The following ACSM2A variants were observed in gnomAD, a reference collection of about 807,000 sequenced individuals.
ACSM2A encodes acyl-coenzyme A synthetase ACSM2A, mitochondrial.
In ACSM2A, 72 loss-of-function variants were observed where a neutral mutation model predicts 76.6. The ratio of observed to expected loss-of-function variants is 0.94; its 90% CI spans 0.78 to 1.14. The LOEUF (loss-of-function observed/expected upper bound fraction) is 1.14. Ranked by LOEUF, ACSM2A falls within the 50% of genes most tolerant of loss-of-function variation. The pLI is 0.00. For missense variants in ACSM2A, 684 were observed against 708.5 expected, an observed-to-expected ratio of 0.97 and a Z score of 0.39; for synonymous variants, 249 against 255.9, an observed-to-expected ratio of 0.97 and a Z score of 0.26.
intron 3 of ACSM2A, among the ~76,000 whole-genome samples, chr16:20,466,634 G>A (rs2013015889): frequency 6.6e-6 from 1 of 152,242 alleles, no homozygotes; most frequent in Non-Finnish European, 1.5e-5. Context: ...TTTGGCTGGG[G>A]ATGAAAACAT....
rs761192127 is a variant in ACSM2A at position 20,486,674 on chromosome 16, A to G, written c.1730A>G (p.Gln577Arg). Residue 577 changes from glutamine (Q) to arginine (R), a missense_variant, in exon 14 of 14, where the codon CAG becomes CGG. Physicochemically the swap from Gln to Arg is conservative, Grantham distance 43. Coordinates refer to ENST00000573854, the MANE Select transcript of ACSM2A (RefSeq NM_001308172.2). ...EWKMSGKARA[Q>R] is the part of the protein sequence containing the mutation. ...AAGATGTCCGGAAAAGCCCGTGCGCAGTGAGACATCTAAGAGACATTCATT... is the reference window on the plus strand; with the variant it reads ...AAGATGTCCGGAAAAGCCCGTGCGCGGTGAGACATCTAAGAGACATTCATT... 1 of 1,614,058 alleles carries G rather than the reference A, an allele frequency of 6.2e-7. No individual in the cohort carries two copies. Among genetic ancestry groups the G allele is most frequent in the African/African-American group, 1.3e-5 (1 of 74,932 alleles).
intron 1 of ACSM2A, among the ~76,000 whole-genome samples, chr16:20,459,229 G>A (rs373436075): frequency 7.2e-5 from 11 of 151,928 alleles, no homozygotes; most frequent in Admixed American, 2.6e-4. Context: ...ATACTCCTCG[G>A]GTGATGGGTG....
chr16:20,458,800 A>G (rs2012374986), intron 1 of ACSM2A, among the ~76,000 whole-genome samples: 1 of 142,670 alleles, frequency 7.0e-6, no homozygotes, highest in Non-Finnish European at 1.5e-5. Context: ...TTACATATAT[A>G]TAATATATAT....
rs367679226 is a variant in ACSM2A, at chr16:20,471,234, T to C, written c.740+18T>C. 3 of 1,606,160 alleles carry C rather than the reference T, an allele frequency of 1.9e-6. No homozygotes were observed. The highest frequency in any genetic ancestry group is 2.6e-6 in the Non-Finnish European group (3 of 1,175,628). On this transcript the variant is annotated intron_variant, in intron 5 of 13. Transcript: ENST00000573854. ...GATGCTGGGTAAGCTGAGCTCTTTCTCTCTACAGAGAATTACATGAGTTTT... is the reference window on the plus strand; with the variant it reads ...GATGCTGGGTAAGCTGAGCTCTTTCCCTCTACAGAGAATTACATGAGTTTT...
chr16:20,477,656 C>T (rs1219146374), intron 9 of ACSM2A, among the ~76,000 whole-genome samples: 1 of 152,050 alleles, frequency 6.6e-6, no homozygotes, highest in Non-Finnish European at 1.5e-5. Flanking sequence ...TCTTACCATC[C>T]AGAAGGACCC....
intron 6 of ACSM2A, 48 bp downstream of exon 6, chr16:20,471,737 T>C (rs1301446157): frequency 1.3e-6 from 2 of 1,574,306 alleles, no homozygotes; most frequent in Non-Finnish European, 1.7e-6. Flanking sequence ...GAGCCCGAGG[T>C]TTGCACACTT....
At chr16:20,480,748 G>C in intron 11 of ACSM2A, 48 bp downstream of exon 11, 4 of 1,611,490 alleles carry the variant, frequency 2.5e-6, no homozygotes, top group Non-Finnish European at 3.4e-6. Context: ...TCTTTACTCT[G>C]GCTGGTTCCA....
At chr16:20,461,898 T>G (rs1596646366) in intron 2 of ACSM2A, among the ~76,000 whole-genome samples, 1 of 151,698 alleles carries the variant, frequency 6.6e-6, no homozygotes, top group Non-Finnish European at 1.5e-5. Flanking sequence ...GAGACTAGGG[T>G]TTTCAAAGAT....
rs183605836 is a variant in ACSM2A, at chr16:20,487,591, T to G, written c.*913T>G. On this transcript the variant is annotated 3_prime_UTR_variant, in exon 14 of 14. Coordinates refer to ENST00000573854, the MANE Select transcript of ACSM2A (RefSeq NM_001308172.2). ...GAGAACAACGTAAGCACTGCCAAAG[T>G]TATCAGCTACCCATATCTCATGTTT... The G allele has an allele frequency of 1.3e-5, 2 of 152,336 alleles. No individual in the cohort carries two copies. The highest frequency in any genetic ancestry group is 3.9e-4 in the East Asian group (2 of 5,190). The allele number at this position is 152,336 out of a possible 1,614,324, so 9.4% of individuals were successfully genotyped here. A position where few individuals can be genotyped will look rare whatever the true frequency, so the allele number is the denominator to read the frequency against.
intron 1 of ACSM2A, chr16:20,453,312 A>G (rs908764321): frequency 1.3e-5 from 2 of 151,762 alleles, no homozygotes; most frequent in Non-Finnish European, 2.9e-5. Flanking sequence ...TGAAGATTTC[A>G]TGGATATTTA....
At chr16:20,457,963 CAA>C (rs2012296109) in intron 1 of ACSM2A, among the ~76,000 whole-genome samples, 2 of 151,930 alleles carry the variant, frequency 1.3e-5, no homozygotes, top group Admixed American at 6.6e-5. Context: ...ATGAATTCAG[CAA>C]AGTTTCAGGA....
intron 13 of ACSM2A, among the ~76,000 whole-genome samples, chr16:20,485,520 T>G (rs1054878567): frequency 6.6e-6 from 1 of 152,206 alleles, no homozygotes; most frequent in Non-Finnish European, 1.5e-5. Context: ...GGCTATGTGG[T>G]CTTTGTTGCA....
intron 3 of ACSM2A, among the ~76,000 whole-genome samples, chr16:20,466,454 C>A (rs2141710923): frequency 6.6e-6 from 1 of 152,178 alleles, no homozygotes. Flanking sequence ...AAAAGCCAAA[C>A]ACTGAAAACA....
In ACSM2A at chr16:20,471,584, A is replaced by C. The variant is rs562103811; in HGVS notation, c.789A>C (p.Thr263=). 6.2e-7 allele frequency: 1 copy of C among 1,614,036 alleles called. No homozygotes were observed. The highest frequency in any genetic ancestry group is 1.3e-5 in the African/African-American group (1 of 75,046). The part of the protein sequence containing the change: ...ASDIMWTISD[T]GWILNILCSL... ...ATATAATGTGGACCATATCAGACAC[A>C]GGTTGGATACTGAACATCTTGTGCT... The change falls in exon 6 of 14, where the codon ACA becomes ACC. Residue 263 remains threonine, a synonymous_variant. Transcript: ENST00000573854.
intron 1 of ACSM2A, chr16:20,451,990 CTTA>C (rs1274326414): frequency 2.7e-5 from 4 of 150,928 alleles, no homozygotes; most frequent in African/African-American, 4.9e-5. Context: ...TGAAGAAGAG[CTTA>C]TTATGGAAAA....
chr16:20,482,785 A>G, intron 12 of ACSM2A: 1 of 277,130 alleles, frequency 3.6e-6, no homozygotes, highest in Non-Finnish European at 6.8e-6. Context: ...CTCCCCCTGT[A>G]TCTTCTTTCT....
At chr16:20,457,921 A>G (rs1414281394) in intron 1 of ACSM2A, among the ~76,000 whole-genome samples, 2 of 152,062 alleles carry the variant, frequency 1.3e-5, no homozygotes, top group Non-Finnish European at 2.9e-5. Context: ...AAGACCTTAA[A>G]GACTCCTCCA....
rs760174077 is a variant in ACSM2A, at chr16:20,465,501, G to A, written c.178-16G>A. ...GTACCAATGCCCCCTGATCAACAGG[G>A]CTTCTCTTTCCTCAGGCTGGCAAGC... On this transcript the variant is annotated splice_polypyrimidine_tract_variant and intron_variant, in intron 2 of 13. Transcript: ENST00000573854. The A allele has an allele frequency of 2.5e-6, 4 of 1,613,476 alleles. No individual in the cohort carries two copies. The highest frequency in any genetic ancestry group is 2.5e-6 in the Non-Finnish European group (3 of 1,179,528).
chr16:20,460,198 G>T lies in ACSM2A; in HGVS notation c.84G>T (p.Arg28Ser). 6.2e-7 allele frequency: 1 copy of T among 1,613,532 alleles called. No individual in the cohort carries two copies. Among genetic ancestry groups the T allele is most frequent in the Non-Finnish European group, 8.5e-7 (1 of 1,179,736 alleles). ...MSSRTLYINS[R>S]QLVSLQWGHQ... ...GCCGCACTCTCTACATTAATAGTAG[G>T]CAACTGGTGTCCCTGCAGTGGGGCC... The change falls in exon 2 of 14, where the codon AGG becomes AGT. Residue 28 changes from arginine (R) to serine (S), a missense_variant. By Grantham distance (110) the Arg-to-Ser change is moderately radical. This residue lies in a region of ACSM2A where 519 missense variants were observed against 549.5 expected (regional missense o/e 0.94). Coordinates refer to ENST00000573854, the MANE Select transcript of ACSM2A (RefSeq NM_001308172.2).
Sources: gnomAD v4.1 joint callset for allele counts (sites outside exome capture counted in the v4.1 genomes callset) on GRCh38, gnomAD v4.1.1 for gene constraint, gnomAD v4.1.1 regional missense constraint, MANE v1.5 for transcripts, NCBI Gene and HGNC (gene_info 2026-07-23, HGNC 2026-07-21) for gene names.